FLT1: variants seen among roughly 807,000 people sequenced by gnomAD.
The protein encoded by FLT1 is fms related receptor tyrosine kinase 1.
Under a neutral mutation model 156.3 loss-of-function variants are expected in FLT1, and 49 were observed. The ratio of observed to expected loss-of-function variants is 0.31; its 90% CI spans 0.25 to 0.40. The LOEUF (loss-of-function observed/expected upper bound fraction) is 0.40, where lower values mean the gene tolerates loss of function less well. Among genes scored for constraint, FLT1 ranks in the 10% least tolerant of loss-of-function variants. FLT1 has a pLI of 1.00. For synonymous variants in FLT1, 594 were observed against 583.8 expected, an observed-to-expected ratio of 1.02 and a Z score of -0.25; for missense variants, 1,322 against 1,637.2, an observed-to-expected ratio of 0.81 and a Z score of 3.32.
chr13:28,350,644 C>T (rs555325574), intron 15 of FLT1, among the ~76,000 whole-genome samples: 25 of 152,140 alleles, frequency 1.6e-4, no homozygotes, highest in African/African-American at 5.8e-4. Flanking sequence ...TATAACCAGA[C>T]AGAGTTTCCC....
intron 3 of FLT1, among the ~76,000 whole-genome samples, chr13:28,458,459 T>G (rs898956784): frequency 6.6e-6 from 1 of 152,244 alleles, no homozygotes; most frequent in Non-Finnish European, 1.5e-5. Context: ...CCCCAGAAAT[T>G]GTTTTCTCTC....
At position 28,357,655 on chromosome 13, in the gene FLT1, A is replaced by G; in HGVS notation, c.2147T>C (p.Leu716Pro). The part of the protein sequence containing the change: ...GIILGPGSST[L>P]FIERVTEEDE... ...CTCTTCTGTGACTCTTTCAATAAAC[A>G]GCGTGCTGCTTCCTGGTCCTAAAAT... The change falls in exon 15 of 30, where the codon CTG becomes CCG. Residue 716 changes from leucine to proline, a missense_variant. Coordinates refer to ENST00000282397, the MANE Select transcript of FLT1 (RefSeq NM_002019.4). 1.2e-6 allele frequency: 2 copies of G among 1,613,844 alleles called. No individual in the cohort carries two copies. Among genetic ancestry groups the G allele is most frequent in the Non-Finnish European group, 1.7e-6 (2 of 1,179,784 alleles).
intron 1 of FLT1, among the ~76,000 whole-genome samples, chr13:28,472,200 C>G (rs1249305781): frequency 6.6e-6 from 1 of 152,180 alleles, no homozygotes; most frequent in African/African-American, 2.4e-5. Flanking sequence ...TTCTAAAATG[C>G]CACCCCTAAT....
chr13:28,318,586 C>T (rs890088462), intron 24 of FLT1, among the ~76,000 whole-genome samples: 2 of 152,194 alleles, frequency 1.3e-5, no homozygotes, highest in Non-Finnish European at 1.5e-5. Context: ...CGTGTCATCG[C>T]AGGACCACTG....
At chr13:28,486,109 A>G (rs929717677) in intron 1 of FLT1, among the ~76,000 whole-genome samples, 4 of 152,232 alleles carry the variant, frequency 2.6e-5, no homozygotes, top group South Asian at 2.1e-4. Context: ...GTTCAAGTGT[A>G]TGCTCTTTCT....
intron 16 of FLT1, 129 bp downstream of exon 16, chr13:28,345,316 G>A: frequency 1.4e-6 from 1 of 693,398 alleles, no homozygotes; most frequent in South Asian, 1.5e-5. Context: ...GTGTTCACCA[G>A]GTCAGAGATA....
At chr13:28,335,582 C>A (rs1160716516) in intron 17 of FLT1, among the ~76,000 whole-genome samples, 4 of 152,222 alleles carry the variant, frequency 2.6e-5, no homozygotes, top group Admixed American at 6.5e-5. Flanking sequence ...CTACCCACCA[C>A]CCCAGGTGTC....
At chr13:28,324,736 G>A (rs1232638282) in intron 20 of FLT1, among the ~76,000 whole-genome samples, 1 of 152,172 alleles carries the variant, frequency 6.6e-6, no homozygotes, top group Admixed American at 6.5e-5. Flanking sequence ...TGCTCCACAG[G>A]CTCACTCAGG....
At chr13:28,356,283 T>C (rs899788986) in intron 15 of FLT1, among the ~76,000 whole-genome samples, 2 of 152,206 alleles carry the variant, frequency 1.3e-5, no homozygotes, top group Non-Finnish European at 2.9e-5. Context: ...TTGCTCTCTG[T>C]GTTCCCTGGC....
intron 29 of FLT1, among the ~76,000 whole-genome samples, chr13:28,304,835 A>G (rs1870674018): frequency 6.6e-6 from 1 of 152,222 alleles, no homozygotes; most frequent in Non-Finnish European, 1.5e-5. Context: ...AATATTTTCA[A>G]GGTTCATCCA....
intron 29 of FLT1, among the ~76,000 whole-genome samples, chr13:28,304,803 A>G (rs1172566580): frequency 1.3e-5 from 2 of 152,180 alleles, no homozygotes; most frequent in African/African-American, 4.8e-5. Context: ...ATATTTTATG[A>G]CTGGCTTCTT....
chr13:28,444,674 G>T (rs1010881353), intron 3 of FLT1, among the ~76,000 whole-genome samples: 1 of 152,178 alleles, frequency 6.6e-6, no homozygotes, highest in African/African-American at 2.4e-5. Flanking sequence ...AAAGTATGTT[G>T]TCTGAATACA....
chr13:28,393,069 C>T (rs2137465436), intron 12 of FLT1, among the ~76,000 whole-genome samples: 1 of 152,000 alleles, frequency 6.6e-6, no homozygotes, highest in African/African-American at 2.4e-5. Context: ...AAAGTGAAAA[C>T]AAGAAATCTT....
intron 15 of FLT1, among the ~76,000 whole-genome samples, chr13:28,355,942 G>A (rs964380493): frequency 6.6e-6 from 1 of 152,182 alleles, no homozygotes; most frequent in Non-Finnish European, 1.5e-5. Context: ...GGCAGAAAAA[G>A]GAAGGAAGTC....
chr13:28,341,659 G>A (rs1213220284), intron 16 of FLT1, among the ~76,000 whole-genome samples: 1 of 152,116 alleles, frequency 6.6e-6, no homozygotes, highest in East Asian at 1.9e-4. Context: ...CTTTATCAAT[G>A]AGGAATTTAC....
chr13:28,370,073 G>A (rs960969261), intron 14 of FLT1, among the ~76,000 whole-genome samples: 5 of 152,028 alleles, frequency 3.3e-5, no homozygotes, highest in Admixed American at 1.3e-4. Context: ...ATGGTGGCAT[G>A]TGCCTGTAGT....
intron 1 of FLT1, among the ~76,000 whole-genome samples, chr13:28,474,485 GACACACACACACACACAC>G (rs57021123): frequency 1.8e-5 from 2 of 112,464 alleles, no homozygotes; most frequent in South Asian, 5.4e-4. Flanking sequence ...AACAACCACA[GACACACACACACACACAC>G]ACACACACAC....
At chr13:28,353,524 G>A (rs1180505137) in intron 15 of FLT1, among the ~76,000 whole-genome samples, 18 of 144,178 alleles carry the variant, frequency 1.2e-4, no homozygotes, top group Non-Finnish European at 2.4e-4. Context: ...AATGAGCCAA[G>A]ATCATGCCAC....
rs1169810705 is a variant in FLT1 at position 28,322,937 on chromosome 13, G to A, written c.2806C>T (p.Leu936=). Residue 936 remains leucine (L), a synonymous_variant, in exon 21 of 30, where the codon CTA becomes TTA. Coordinates refer to ENST00000282397, the MANE Select transcript of FLT1 (RefSeq NM_002019.4). The surrounding 1 kb of genome is among the most constrained non-coding windows in gnomAD (Gnocchi z 4.3). ...TTTTCTTTCTTAGGCTCCATGTGTA[G>A]TGCTGCATCCTTTGAAGAGACCGAA... The part of the protein sequence containing the change: ...DLFFLNKDAA[L]HMEPKKEKME... The A allele has an allele frequency of 6.2e-7, 1 of 1,614,086 alleles. No individual in the cohort carries two copies. The highest frequency in any genetic ancestry group is 1.1e-5 in the South Asian group (1 of 91,080).
Sources: gnomAD v4.1 joint callset for allele counts (sites outside exome capture counted in the v4.1 genomes callset) on GRCh38, gnomAD v4.1.1 for gene constraint, Gnocchi (gnomAD v3.1) non-coding constraint, MANE v1.5 for transcripts, NCBI Gene and HGNC (gene_info 2026-07-23, HGNC 2026-07-21) for gene names.